The following MTM1 variants were observed in gnomAD, a reference collection of about 807,000 sequenced individuals.
MTM1 encodes the protein myotubularin.
Under a neutral mutation model 52.1 loss-of-function variants are expected in MTM1, and 9 were observed. That is an observed-to-expected ratio of 0.17 (90% CI 0.10 to 0.30). MTM1 has a LOEUF of 0.30. Among genes scored for constraint, MTM1 ranks in the 10% least tolerant of loss-of-function variants. The probability of loss-of-function intolerance (pLI) is 1.00; values close to 1 mark genes in which losing one functional copy is unlikely to be tolerated. For missense variants in MTM1, 277 were observed against 470.7 expected (o/e 0.59, Z 3.81); for synonymous variants, 136 against 163.8 (o/e 0.83, Z 1.29).
chrX:150,629,988 C>T (rs1263554656), intron 6 of MTM1, among the ~76,000 whole-genome samples: 1 of 112,443 alleles, frequency 8.9e-6, no homozygotes, highest in Non-Finnish European at 1.9e-5. Flanking sequence ...TGTGCTTCTC[C>T]ACCCTATGAT....
At chrX:150,648,577 T>C (rs1274661837) in intron 9 of MTM1, among the ~76,000 whole-genome samples, 1 of 112,697 alleles carries the variant, frequency 8.9e-6, no homozygotes, top group Non-Finnish European at 1.9e-5. Flanking sequence ...AACTTTTTCT[T>C]AAAGGGCCAA....
intron 6 of MTM1, among the ~76,000 whole-genome samples, chrX:150,622,735 G>A (rs1224956548): frequency 9.0e-6 from 1 of 111,483 alleles, no homozygotes; most frequent in Non-Finnish European, 1.9e-5. Flanking sequence ...CTGAGGTCTG[G>A]GGCTTGAGTG....
chrX:150,627,775 A>G (rs1397452096), intron 6 of MTM1, among the ~76,000 whole-genome samples: 1 of 111,880 alleles, frequency 8.9e-6, no homozygotes, highest in Non-Finnish European at 1.9e-5. Flanking sequence ...TACTCTGAGC[A>G]TATGACTGAA....
chrX:150,610,055 A>T (rs995460496), intron 4 of MTM1, among the ~76,000 whole-genome samples: 7 of 111,896 alleles, frequency 6.3e-5, no homozygotes, highest in African/African-American at 2.3e-4. Flanking sequence ...CTTTTCCCAC[A>T]TGTGCAGCTG....
At chrX:150,625,405 T>C (rs1272825167) in intron 6 of MTM1, among the ~76,000 whole-genome samples, 1 of 111,561 alleles carries the variant, frequency 9.0e-6, no homozygotes, top group Non-Finnish European at 1.9e-5. Flanking sequence ...AATAAAGTAA[T>C]CGTGATAACA....
intron 4 of MTM1, among the ~76,000 whole-genome samples, chrX:150,603,710 A>G (rs1557412779): frequency 2.7e-5 from 3 of 112,365 alleles, no homozygotes; most frequent in Non-Finnish European, 5.6e-5. Context: ...TACAACTACC[A>G]CGTGGAAATG....
intron 9 of MTM1, among the ~76,000 whole-genome samples, chrX:150,647,218 T>TATATAG (rs1368512217): frequency 1.9e-5 from 2 of 102,815 alleles, no homozygotes; most frequent in African/African-American, 3.8e-5. Flanking sequence ...TATATATATA[T>TATATAG]ATAGCAATAT....
intron 4 of MTM1, among the ~76,000 whole-genome samples, chrX:150,613,353 T>G (rs1374647684): frequency 8.9e-6 from 1 of 111,737 alleles, no homozygotes; most frequent in Non-Finnish European, 1.9e-5. Context: ...TCACCGTGTG[T>G]GTTGTATGCT....
intron 1 of MTM1, among the ~76,000 whole-genome samples, chrX:150,579,914 G>GT (rs1175320037): frequency 1.8e-5 from 2 of 111,495 alleles, no homozygotes; most frequent in Non-Finnish European, 3.8e-5. Context: ...TATTCTAGTA[G>GT]TTTTTTTGTA....
At chrX:150,597,083 A>G (rs1313753531) in intron 3 of MTM1, 1 of 122,180 alleles carries the variant, frequency 8.2e-6, no homozygotes, top group African/African-American at 3.2e-5. Flanking sequence ...GAAGGGATCA[A>G]CTTTGGAAGG....
intron 4 of MTM1, 60 bp from the exon 5 acceptor site, chrX:150,614,529 T>C: frequency 1.4e-6 from 1 of 697,497 alleles, no homozygotes; most frequent in South Asian, 2.3e-5. Flanking sequence ...TTTTATATGT[T>C]TTTTGATGTT....
At chrX:150,596,818 A>G (rs2038985058) in intron 3 of MTM1, 1 of 329,691 alleles carries the variant, frequency 3.0e-6, no homozygotes, top group South Asian at 4.7e-5. Context: ...GGGGAAAAAA[A>G]TGTGGATTAT....
At chrX:150,573,548 TG>T (rs1316109332) in intron 1 of MTM1, among the ~76,000 whole-genome samples, 1 of 112,697 alleles carries the variant, frequency 8.9e-6, no homozygotes, top group African/African-American at 3.2e-5. Flanking sequence ...TGAACTTTTT[TG>T]TGAGAAGGAA....
chrX:150,584,854 A>G (rs1928105148), intron 1 of MTM1, among the ~76,000 whole-genome samples: 1 of 111,664 alleles, frequency 9.0e-6, no homozygotes, highest in Admixed American at 9.5e-5. Flanking sequence ...ACCTAATACA[A>G]TGGAAATGCT....
At chrX:150,627,370 C>T (rs2039587570) in intron 6 of MTM1, among the ~76,000 whole-genome samples, 1 of 111,777 alleles carries the variant, frequency 8.9e-6, no homozygotes, top group Non-Finnish European at 1.9e-5. Context: ...ATTGATGGAA[C>T]TTTCCTTTGT....
At chrX:150,586,993 C>T (rs1024320400) in intron 1 of MTM1, among the ~76,000 whole-genome samples, 3 of 109,847 alleles carry the variant, frequency 2.7e-5, no homozygotes, top group African/African-American at 6.6e-5. Flanking sequence ...ATGCCATCTG[C>T]TGTGCTATAA....
intron 10 of MTM1, among the ~76,000 whole-genome samples, chrX:150,657,053 A>G (rs1424763762): frequency 1.8e-5 from 2 of 111,093 alleles, no homozygotes; most frequent in Non-Finnish European, 3.8e-5. Context: ...ACCATTGTGG[A>G]AGACAGTGTG....
chrX:150,565,347 T>A (rs1343856432), upstream of MTM1, among the ~76,000 whole-genome samples: 2 of 112,151 alleles, frequency 1.8e-5, no homozygotes, highest in African/African-American at 6.5e-5. Context: ...CTGAATCAGG[T>A]TTCCTAGTTC....
chrX:150,650,119 A>C (rs1325314321), intron 10 of MTM1, among the ~76,000 whole-genome samples: 1 of 112,000 alleles, frequency 8.9e-6, no homozygotes, highest in Non-Finnish European at 1.9e-5. Context: ...TTGCAAAGAC[A>C]TCTCTTTCCA....
Sources: allele counts gnomAD v4.1 joint callset (sites outside exome capture counted in the v4.1 genomes callset), GRCh38; gene constraint gnomAD v4.1.1; transcripts MANE v1.5; gene names NCBI Gene and HGNC (gene_info 2026-07-23, HGNC 2026-07-21).